The following CYSTM1 variants were observed in gnomAD, a reference collection of about 807,000 sequenced individuals.
The protein encoded by CYSTM1 is cysteine rich transmembrane module containing 1.
A neutral mutation model predicts 13.1 loss-of-function variants in CYSTM1; 4 were observed. That is an observed-to-expected ratio of 0.31 (90% CI 0.15 to 0.70). CYSTM1 has a LOEUF of 0.70. CYSTM1 is among the 30% of genes least tolerant of loss of function. The probability of loss-of-function intolerance (pLI) is 0.72; values close to 1 mark genes in which losing one functional copy is unlikely to be tolerated. For synonymous variants in CYSTM1, 36 were observed against 42.7 expected (o/e 0.84, Z 0.62); for missense variants, 96 against 121.6 (o/e 0.79, Z 0.99).
intron 2 of CYSTM1, among the ~76,000 whole-genome samples, chr5:140,213,444 AAG>A: frequency 6.6e-6 from 1 of 152,184 alleles, no homozygotes; most frequent in Non-Finnish European, 1.5e-5. Context: ...TTATTGAAGA[AAG>A]AAATTTGTTT....
At chr5:140,188,897 C>A (rs1275976766) in intron 1 of CYSTM1, among the ~76,000 whole-genome samples, 1 of 151,828 alleles carries the variant, frequency 6.6e-6, no homozygotes, top group Non-Finnish European at 1.5e-5. Flanking sequence ...TGTTACTGTA[C>A]AATTTACAAT....
chr5:140,184,837 A>C (rs1016263770), intron 1 of CYSTM1, among the ~76,000 whole-genome samples: 7 of 152,232 alleles, frequency 4.6e-5, no homozygotes, highest in Admixed American at 2.6e-4. Context: ...GTCTGGAAGA[A>C]TGCTAAAATG....
intron 2 of CYSTM1, among the ~76,000 whole-genome samples, chr5:140,222,227 C>A (rs1292011290): frequency 2.0e-5 from 3 of 152,262 alleles, no homozygotes. Context: ...GTATTATCCC[C>A]CATGTCTTCC....
rs778938355 is a variant in CYSTM1 at position 140,194,544 on chromosome 5, G to A, written c.79G>A (p.Gly27Ser). Residue 27 changes from glycine (G) to serine (S), a missense_variant, in exon 2 of 3, where the codon GGT becomes AGT. Physicochemically the swap from Gly to Ser is moderately conservative, Grantham distance 56. Transcript: ENST00000261811. ...PYPPYPPQPM[G>S]PGPMGGPYPP... ...CCCACCTTATCCACCACAACCAATG[G>A]GTCCAGGACCTATGGGGGGACCCTA... 1 of 1,613,596 alleles carries A rather than the reference G, an allele frequency of 6.2e-7. No homozygotes were observed. Among genetic ancestry groups the A allele is most frequent in the Non-Finnish European group, 8.5e-7 (1 of 1,179,796 alleles).
chr5:140,195,546 G>A (rs546969939), intron 2 of CYSTM1, among the ~76,000 whole-genome samples: 73 of 148,190 alleles, frequency 4.9e-4, no homozygotes, highest in African/African-American at 1.7e-3. Context: ...GGTTCACGCC[G>A]TTCTCCTGCC....
At position 140,179,770 on chromosome 5, in the gene CYSTM1, C is replaced by A. The variant is rs567718341; in HGVS notation, c.-21+4485C>A. ...CTGCCTCCCAGGTTCAAACGATTCT[C>A]CTGCCTCAGCCTCCCGAGTAGCTGG... On this transcript the variant is annotated intron_variant, in intron 1 of 2. Coordinates refer to ENST00000261811, the MANE Select transcript of CYSTM1 (RefSeq NM_032412.4). 3.3e-5 allele frequency among the ~76,000 whole-genome samples: 5 copies of A among 151,752 alleles called. No individual in the cohort carries two copies. In the East Asian group the frequency reaches 9.9e-4, roughly 30 times the overall value.
At chr5:140,224,031 G>A (rs1256978329) in intron 2 of CYSTM1, among the ~76,000 whole-genome samples, 1 of 152,218 alleles carries the variant, frequency 6.6e-6, no homozygotes, top group Non-Finnish European at 1.5e-5. Flanking sequence ...AATGTCTCAG[G>A]TGGAGGCAGG....
intron 1 of CYSTM1, among the ~76,000 whole-genome samples, chr5:140,187,599 C>T (rs1271513451): frequency 6.6e-6 from 1 of 152,214 alleles, no homozygotes; most frequent in Non-Finnish European, 1.5e-5. Flanking sequence ...AACTCCTAGG[C>T]TCAAACAATC....
At chr5:140,223,294 C>A (rs1404266759) in intron 2 of CYSTM1, among the ~76,000 whole-genome samples, 1 of 152,222 alleles carries the variant, frequency 6.6e-6, no homozygotes, top group Non-Finnish European at 1.5e-5. Context: ...GGTGCCTTCT[C>A]CTGCTCTGGC....
At chr5:140,214,428 A>G (rs554296986) in intron 2 of CYSTM1, among the ~76,000 whole-genome samples, 89 of 152,170 alleles carry the variant, frequency 5.8e-4, no homozygotes, top group Non-Finnish European at 9.8e-4. Flanking sequence ...TGCAGATCCA[A>G]TTTATTCAGC....
chr5:140,204,727 T>C (rs1223413476), intron 2 of CYSTM1, among the ~76,000 whole-genome samples: 1 of 152,152 alleles, frequency 6.6e-6, no homozygotes, highest in Non-Finnish European at 1.5e-5. Context: ...AGACGTTTTT[T>C]TCTTCTTTCA....
chr5:140,212,142 A>G lies in CYSTM1; in HGVS notation c.187+17490A>G, dbSNP rs116267030. On this transcript the variant is annotated intron_variant, in intron 2 of 2. Transcript: ENST00000261811. ...GGGATGACATAACTAAGCTCTGTTT[A>G]AATAGTAACTAGCTGAGCTATGAAT... Among the ~76,000 whole-genome samples the G allele has an allele frequency of 9.0e-3, 1,370 of 152,332 alleles. 22 individuals carry two copies. Among genetic ancestry groups the G allele is most frequent in the African/African-American group, 0.032 (1,322 of 41,570 alleles).
chr5:140,198,605 TTA>T (rs1208190706), intron 2 of CYSTM1, among the ~76,000 whole-genome samples: 1 of 152,246 alleles, frequency 6.6e-6, no homozygotes, highest in African/African-American at 2.4e-5. Context: ...CACTTACCCC[TTA>T]TTCCAGTATT....
chr5:140,177,068 CA>C (rs1161281232), intron 1 of CYSTM1, among the ~76,000 whole-genome samples: 1,052 of 87,914 alleles, frequency 0.012, 11 homozygotes, highest in African/African-American at 0.039. Flanking sequence ...GACTCTGTCT[CA>C]AAAAAAAAAA....
intron 2 of CYSTM1, among the ~76,000 whole-genome samples, chr5:140,224,841 G>A (rs1054931874): frequency 1.3e-5 from 2 of 152,176 alleles, no homozygotes; most frequent in Non-Finnish European, 2.9e-5. Context: ...TTTTTATAAG[G>A]AGTTGTCTAT....
intron 2 of CYSTM1, among the ~76,000 whole-genome samples, chr5:140,217,769 TTAA>T (rs1444567674): frequency 6.6e-6 from 1 of 152,202 alleles, no homozygotes. Context: ...CTGCAGTTTC[TTAA>T]TAAGACAGGC....
At chr5:140,218,941 C>T (rs951220998) in intron 2 of CYSTM1, among the ~76,000 whole-genome samples, 3 of 152,230 alleles carry the variant, frequency 2.0e-5, no homozygotes, top group African/African-American at 7.2e-5. Flanking sequence ...GCTCCATCTA[C>T]AAGGCCAACC....
intron 2 of CYSTM1, among the ~76,000 whole-genome samples, chr5:140,213,004 T>TAC (rs1561814056): frequency 7.3e-6 from 1 of 136,422 alleles, no homozygotes; most frequent in African/African-American, 2.8e-5. Context: ...TATATATATA[T>TAC]ATATATGAGA....
intron 1 of CYSTM1, among the ~76,000 whole-genome samples, chr5:140,183,960 A>G (rs1249640168): frequency 1.3e-5 from 2 of 152,244 alleles, no homozygotes; most frequent in Non-Finnish European, 1.5e-5. Context: ...ATCTAGGAGC[A>G]TGGCTTTCCT....
Sources: gnomAD v4.1 joint callset for allele counts (sites outside exome capture counted in the v4.1 genomes callset) on GRCh38, gnomAD v4.1.1 for gene constraint, MANE v1.5 for transcripts, NCBI Gene and HGNC (gene_info 2026-07-23, HGNC 2026-07-21) for gene names.